The following USP37 variants were observed in gnomAD, a reference collection of about 807,000 sequenced individuals.
USP37 encodes ubiquitin carboxyl-terminal hydrolase 37.
A neutral mutation model predicts 124.0 loss-of-function variants in USP37; 27 were observed. The observed-to-expected ratio is 0.22, with a 90% confidence interval of 0.16 to 0.30. USP37 has a LOEUF of 0.30. Ranked by LOEUF, USP37 falls within the 10% of genes least tolerant of loss-of-function variation. The pLI, the probability that USP37 is intolerant of heterozygous loss-of-function variation, is 1.00. For synonymous variants in USP37, 365 were observed against 388.0 expected, an observed-to-expected ratio of 0.94 and a Z score of 0.70; for missense variants, 889 against 1,140.4, an observed-to-expected ratio of 0.78 and a Z score of 3.17.
At chr2:218,457,055 T>C in intron 24 of USP37, 37 bp downstream of exon 24, 7 of 1,597,686 alleles carry the variant, frequency 4.4e-6, no homozygotes, top group Non-Finnish European at 6.0e-6. Flanking sequence ...GCTGACTAGT[T>C]CATTTATAAA....
chr2:218,536,375 T>G lies in USP37; in HGVS notation c.681-1669A>C, dbSNP rs533614504. 3.9e-5 allele frequency among the ~76,000 whole-genome samples: 6 copies of G among 152,330 alleles called. No homozygotes were observed. The South Asian group carries it at 1.0e-3, about 26-fold the overall frequency. On this transcript the variant is annotated intron_variant, in intron 8 of 25. Transcript: ENST00000258399. ...TTTTTATATTCTCTCTTCCATATCTTCACACCAACTTATGTTTTTGATAGC... is the reference window on the plus strand; with the variant it reads ...TTTTTATATTCTCTCTTCCATATCTGCACACCAACTTATGTTTTTGATAGC...
chr2:218,522,562 C>CA (rs11335637), intron 10 of USP37, among the ~76,000 whole-genome samples: 28 of 105,240 alleles, frequency 2.7e-4, no homozygotes, highest in African/African-American at 4.1e-4. Context: ...AACTCCACCA[C>CA]AAAAAAAAAA....
At chr2:218,470,495 A>T (rs1690619355) in intron 20 of USP37, among the ~76,000 whole-genome samples, 2 of 152,204 alleles carry the variant, frequency 1.3e-5, no homozygotes, top group Non-Finnish European at 2.9e-5. Flanking sequence ...TTATCAAATA[A>T]TTGTTTGCTT....
At chr2:218,522,125 C>G (rs1364167229) in intron 10 of USP37, among the ~76,000 whole-genome samples, 2 of 151,094 alleles carry the variant, frequency 1.3e-5, no homozygotes, top group Admixed American at 6.6e-5. Flanking sequence ...ATCCTCCTGC[C>G]TTGGCCTCCC....
chr2:218,525,255 C>T (rs999637501), intron 10 of USP37, among the ~76,000 whole-genome samples: 6 of 152,012 alleles, frequency 3.9e-5, no homozygotes, highest in East Asian at 3.9e-4. Flanking sequence ...CTGAGGCAGG[C>T]GAATCACTTG....
chr2:218,518,231 T>C (rs1690405481), intron 10 of USP37, among the ~76,000 whole-genome samples: 2 of 152,336 alleles, frequency 1.3e-5, no homozygotes, highest in Non-Finnish European at 2.9e-5. Flanking sequence ...TTTGTATTTT[T>C]CATTTCTAGA....
At chr2:218,525,310 G>A (rs943070569) in intron 10 of USP37, among the ~76,000 whole-genome samples, 4 of 152,018 alleles carry the variant, frequency 2.6e-5, no homozygotes, top group Non-Finnish European at 5.9e-5. Context: ...GTGAAACTCC[G>A]TGTCTACGAA....
intron 10 of USP37, chr2:218,528,548 T>A (rs909664954): frequency 3.2e-5 from 12 of 370,930 alleles, no homozygotes; most frequent in African/African-American, 2.5e-4. Context: ...CCTGTGTCAG[T>A]TTGCTGAGAA....
intron 10 of USP37, chr2:218,514,126 GT>G (rs368264978): frequency 2.6e-4 from 39 of 152,180 alleles, no homozygotes; most frequent in African/African-American, 7.7e-4. Context: ...GCCTGAAACA[GT>G]TTTAGATTTA....
intron 8 of USP37, among the ~76,000 whole-genome samples, chr2:218,537,643 T>C (rs996889170): frequency 2.0e-5 from 3 of 152,220 alleles, no homozygotes; most frequent in Admixed American, 2.0e-4. Flanking sequence ...AGATAAGATG[T>C]AGGTGATATC....
At position 218,553,556 on chromosome 2, in the gene USP37, C is replaced by T. The variant is rs1362313835; in HGVS notation, c.325G>A (p.Ala109Thr). 6.2e-7 allele frequency: 1 copy of T among 1,611,894 alleles called. No individual in the cohort carries two copies. Among genetic ancestry groups the T allele is most frequent in the East Asian group, 2.2e-5 (1 of 44,844 alleles). The change falls in exon 5 of 26, where the codon GCA becomes ACA. Residue 109 changes from alanine to threonine, a missense_variant. Transcript: ENST00000258399. ...LDAVHQNRLP[A>T]AMKPSQGSGS... is the part of the protein sequence containing the mutation. ...CCCTGGGGTGATTAGTACTCACCTG[C>T]AGGAAGTCTGTTTTGATGGACTGCA...
chr2:218,479,699 C>T lies in USP37; in HGVS notation c.1852G>A (p.Ala618Thr), dbSNP rs751372299. 2.0e-5 allele frequency: 33 copies of T among 1,611,282 alleles called. No homozygotes were observed. In the South Asian group the frequency reaches 3.4e-4, roughly 17 times the overall value. Residue 618 changes from alanine (A) to threonine (T), a missense_variant, in exon 18 of 26, where the codon GCC becomes ACC. By Grantham distance (58) the Ala-to-Thr change is moderately conservative (BLOSUM62 0). Transcript: ENST00000258399. ...AHMAISRPLKASQMVNSCITS... is the reference protein window; with the variant it reads ...AHMAISRPLKTSQMVNSCITS... ...ATGCAGGAATTCACCATTTGAGAGG[C>T]TTTCAATGGTCTAGAACTATCAGAA...
At chr2:218,478,299 A>T (rs1487336628) in intron 18 of USP37, among the ~76,000 whole-genome samples, 3 of 152,196 alleles carry the variant, frequency 2.0e-5, no homozygotes, top group Admixed American at 6.6e-5. Context: ...TTTTTAGTAT[A>T]ATAGCCAATT....
At chr2:218,465,313 A>C (rs1690254780) in intron 21 of USP37, among the ~76,000 whole-genome samples, 1 of 151,900 alleles carries the variant, frequency 6.6e-6, no homozygotes, top group African/African-American at 2.4e-5. Flanking sequence ...ATGGTGGCTC[A>C]CATCTGTAGT....
intron 8 of USP37, among the ~76,000 whole-genome samples, chr2:218,537,921 T>C (rs1691746089): frequency 6.6e-6 from 1 of 152,210 alleles, no homozygotes; most frequent in Admixed American, 6.5e-5. Context: ...ATCTGACTGA[T>C]GGTCATCAAG....
chr2:218,521,702 T>C (rs781436339), intron 10 of USP37, among the ~76,000 whole-genome samples: 1 of 152,172 alleles, frequency 6.6e-6, no homozygotes, highest in Non-Finnish European at 1.5e-5. Flanking sequence ...TATTTGTTCA[T>C]TTTTTCCCCA....
intron 18 of USP37, 73 bp downstream of exon 18, chr2:218,479,577 G>A (rs1008641932): frequency 5.8e-6 from 7 of 1,211,134 alleles, no homozygotes; most frequent in Admixed American, 3.4e-5. Flanking sequence ...AAAAGGCAGG[G>A]AGGCAATCTT....
chr2:218,494,909 A>T (rs979597345), intron 14 of USP37, among the ~76,000 whole-genome samples: 2 of 152,208 alleles, frequency 1.3e-5, no homozygotes, highest in African/African-American at 4.8e-5. Context: ...TTGTAAAAGA[A>T]AATATTTTTA....
intron 10 of USP37, among the ~76,000 whole-genome samples, chr2:218,512,895 C>T (rs565040109): frequency 3.9e-5 from 6 of 152,216 alleles, no homozygotes; most frequent in African/African-American, 1.4e-4. Context: ...ATATTTAGTA[C>T]ATACTCATAT....
Sources: allele counts gnomAD v4.1 joint callset (sites outside exome capture counted in the v4.1 genomes callset), GRCh38; gene constraint gnomAD v4.1.1; transcripts MANE v1.5; gene names NCBI Gene and HGNC (gene_info 2026-07-23, HGNC 2026-07-21).